Variants in ZP3 observed in about 807,000 individuals in gnomAD.
The protein encoded by ZP3 is zona pellucida sperm-binding protein 3.
ZP3 carries 21 observed loss-of-function variants against 35.6 expected under a neutral mutation model. That is an observed-to-expected ratio of 0.59 (90% CI 0.42 to 0.85). The LOEUF (loss-of-function observed/expected upper bound fraction) is 0.85, where lower values mean the gene tolerates loss of function less well. ZP3 is among the 40% of genes least tolerant of loss of function. The probability of loss-of-function intolerance (pLI) is 0.00; values close to 1 mark genes in which losing one functional copy is unlikely to be tolerated. For missense variants in ZP3, 437 were observed against 536.5 expected (o/e 0.81, Z 1.83); for synonymous variants, 207 against 214.5 (o/e 0.96, Z 0.31).
At position 76,432,032 on chromosome 7, in the gene ZP3, G is replaced by T. The variant is rs113598911; in HGVS notation, c.432-895G>T. Among the ~76,000 whole-genome samples the T allele has an allele frequency of 9.9e-4, 98 of 98,818 alleles. No homozygotes were observed. The Middle Eastern group carries it at 0.018, about 18-fold the overall frequency. The allele number at this position is 98,818 out of a possible 152,430, so 64.8% of individuals were successfully genotyped here. A position where few individuals can be genotyped will look rare whatever the true frequency, so the allele number is the denominator to read the frequency against. ...TATGTGTGGTGGCTTTTGGTTTTTT[G>T]TTTAAAAAAAAAAAGTCTTACTCTG... On this transcript the variant is annotated intron_variant, in intron 2 of 7. Coordinates refer to ENST00000394857, the MANE Select transcript of ZP3 (RefSeq NM_001110354.2).
intron 1 of ZP3, among the ~76,000 whole-genome samples, chr7:76,415,233 G>T (rs1426087526): frequency 6.6e-6 from 1 of 151,528 alleles, no homozygotes; most frequent in Non-Finnish European, 1.5e-5. Context: ...AGGTGTGGTG[G>T]CACATGCCTG....
chr7:76,426,999 G>A (rs1444630042), intron 1 of ZP3, among the ~76,000 whole-genome samples: 3 of 152,124 alleles, frequency 2.0e-5, no homozygotes, highest in East Asian at 3.9e-4. Context: ...AGGCTGCAGT[G>A]AGCTACGATT....
At chr7:76,400,622 G>T (rs1271900456) in intron 1 of ZP3, 6 of 1,428,614 alleles carry the variant, frequency 4.2e-6, no homozygotes, top group Non-Finnish European at 5.5e-6. Flanking sequence ...GCACCAGGGG[G>T]TCACTGAGTC....
chr7:76,425,285 G>C lies in ZP3; in HGVS notation c.312+9G>C. On this transcript the variant is annotated intron_variant, in intron 1 of 7. Transcript: ENST00000394857. ...GTGGCAACAGCATGCAGGTAAGAGA[G>C]GCTGGGGGCCCTGGCTTTGGTGGGA... 2 of 1,593,462 alleles carry C rather than the reference G, an allele frequency of 1.3e-6. No individual in the cohort carries two copies. The highest frequency in any genetic ancestry group is 2.2e-5 in the South Asian group (2 of 90,336).
upstream of ZP3, among the ~76,000 whole-genome samples, chr7:76,421,787 C>T (rs918020703): frequency 6.6e-5 from 10 of 151,828 alleles, no homozygotes; most frequent in African/African-American, 2.4e-4. Context: ...TATTCTTCCT[C>T]CTCTCTTGCA....
chr7:76,425,244 G>A lies in ZP3; in HGVS notation c.280G>A (p.Val94Ile), dbSNP rs150482826. ...CACAGAAGATGTGGTCAGGTTTGAG[G>A]TTGGACTCCACGAGTGTGGCAACAG... ...MDTEDVVRFE[V>I]GLHECGNSMQ... The change falls in exon 1 of 8, where the codon GTT (valine) becomes ATT (isoleucine). Residue 94 changes from valine (V) to isoleucine (I), a missense_variant. By Grantham distance (29) the Val-to-Ile change is conservative. Around this residue, in one of 6 missense-constraint regions of ZP3, gnomAD observed 352 missense variants for 308.4 expected, o/e 1.14. Coordinates refer to ENST00000394857, the MANE Select transcript of ZP3 (RefSeq NM_001110354.2). The A allele has an allele frequency of 2.8e-5, 45 of 1,612,630 alleles. No homozygotes were observed. The African/African-American group carries it at 5.5e-4, about 20-fold the overall frequency.
At position 76,435,399 on chromosome 7, in the gene ZP3, C is replaced by T. The variant is rs1404655404; in HGVS notation, c.831+1244C>T. 5.9e-5 allele frequency among the ~76,000 whole-genome samples: 9 copies of T among 152,386 alleles called. No homozygotes were observed. In the East Asian group the frequency reaches 1.5e-3, roughly 26 times the overall value. On this transcript the variant is annotated intron_variant, in intron 5 of 7. Transcript: ENST00000394857. ...CAAACTCCTGACCTCAGGTGATCCGCCTGCCTCGGTCTCCCAAAGTGCTGG... is the reference window on the plus strand; with the variant it reads ...CAAACTCCTGACCTCAGGTGATCCGTCTGCCTCGGTCTCCCAAAGTGCTGG...
chr7:76,397,774 G>A, exon 1 of ZP3: 2 of 1,611,522 alleles, frequency 1.2e-6, no homozygotes, highest in South Asian at 1.1e-5. Flanking sequence ...CACTGTGCAG[G>A]ATCTCCACTC....
In ZP3 at chr7:76,435,978, C is replaced by T. The variant is rs570260857; in HGVS notation, c.831+1823C>T. The stretch of plus-strand genomic sequence containing the variant: ...TGACCTCATTATCCAACCGCCTCAG[C>T]TTCCCAAAGTGCTGGGATTATAGGC... On this transcript the variant is annotated intron_variant, in intron 5 of 7. Transcript: ENST00000394857. Among the ~76,000 whole-genome samples, 10 of 149,656 alleles carry T rather than the reference C, an allele frequency of 6.7e-5. No homozygotes were observed. The East Asian group carries it at 1.0e-3, about 15-fold the overall frequency.
chr7:76,398,219 A>G (rs1272522182), intron 1 of ZP3, among the ~76,000 whole-genome samples: 2 of 146,178 alleles, frequency 1.4e-5, no homozygotes, highest in Non-Finnish European at 3.0e-5. Context: ...AGCACTTTTC[A>G]TTTTCTTCTT....
chr7:76,409,066 G>C (rs1805142521), intron 1 of ZP3, among the ~76,000 whole-genome samples: 1 of 152,156 alleles, frequency 6.6e-6, no homozygotes, highest in African/African-American at 2.4e-5. Flanking sequence ...GCCCACTCTA[G>C]GTGTGGTAGC....
At chr7:76,440,062 G>T in intron 5 of ZP3, 188 bp from the exon 6 acceptor site, 1 of 918,576 alleles carries the variant, frequency 1.1e-6, no homozygotes, top group Non-Finnish European at 1.6e-6. Context: ...GGCCAGGTTG[G>T]TCTCGAACTC....
At chr7:76,427,717 C>T (rs1296842597) in intron 1 of ZP3, among the ~76,000 whole-genome samples, 3 of 152,110 alleles carry the variant, frequency 2.0e-5, no homozygotes, top group Non-Finnish European at 4.4e-5. Context: ...CCCTGAAGAT[C>T]GAGTTTGGTC....
chr7:76,433,987 C>T (rs146147902), intron 4 of ZP3, 51 bp from the exon 5 acceptor site: 15,431 of 1,321,686 alleles, frequency 0.012, 2,847 homozygotes, highest in Non-Finnish European at 0.012. Flanking sequence ...GCGTGAGCCA[C>T]GGTGCCCGGC....
At chr7:76,401,085 C>A (rs1432393022) in intron 1 of ZP3, 1 of 1,505,964 alleles carries the variant, frequency 6.6e-7, no homozygotes, top group Non-Finnish European at 8.9e-7. Flanking sequence ...TCTGCCCACA[C>A]CATGGCTCCC....
At chr7:76,428,161 AT>A (rs1554625140) in intron 1 of ZP3, among the ~76,000 whole-genome samples, 1 of 114,616 alleles carries the variant, frequency 8.7e-6, no homozygotes, top group South Asian at 2.9e-4. Context: ...CCCTGTCTCT[AT>A]TTAAAAAAAA....
intron 2 of ZP3, among the ~76,000 whole-genome samples, chr7:76,430,517 C>T (rs142950433): frequency 6.6e-6 from 1 of 151,962 alleles, no homozygotes; most frequent in Non-Finnish European, 1.5e-5. Flanking sequence ...GGGCAGCTCA[C>T]GAGGTAAGGA....
chr7:76,427,372 C>T (rs555480639), intron 1 of ZP3, among the ~76,000 whole-genome samples: 37 of 151,816 alleles, frequency 2.4e-4, no homozygotes, highest in African/African-American at 8.9e-4. Flanking sequence ...AAGAAGTTAG[C>T]CGGGTGTGGT....
chr7:76,398,691 C>T, intron 1 of ZP3: 1 of 1,610,450 alleles, frequency 6.2e-7, no homozygotes, highest in Non-Finnish European at 8.5e-7. Context: ...TCCCAAAACC[C>T]AGGTGGTGCC....
Sources: gnomAD v4.1 joint callset for allele counts (sites outside exome capture counted in the v4.1 genomes callset) on GRCh38, gnomAD v4.1.1 for gene constraint, gnomAD v4.1.1 regional missense constraint, MANE v1.5 for transcripts, NCBI Gene and HGNC (gene_info 2026-07-23, HGNC 2026-07-21) for gene names.